PPARG: variants seen among roughly 807,000 people sequenced by gnomAD.
PPARG encodes the protein peroxisome proliferator activated receptor gamma.
In PPARG, 17 loss-of-function variants were observed where a neutral mutation model predicts 39.2. The ratio of observed to expected loss-of-function variants is 0.43; its 90% confidence interval spans 0.30 to 0.65. The LOEUF (loss-of-function observed/expected upper bound fraction) is 0.65, where lower values mean the gene tolerates loss of function less well. Ranked by LOEUF, PPARG falls within the 30% of genes least tolerant of loss-of-function variation. PPARG has a pLI of 0.13. For missense variants in PPARG, 406 were observed against 585.9 expected, an observed-to-expected ratio of 0.69 and a Z score of 3.17; for synonymous variants, 223 against 215.7, an observed-to-expected ratio of 1.03 and a Z score of -0.30.
At chr3:12,393,026 A>G (rs1176771103) in intron 5 of PPARG, among the ~76,000 whole-genome samples, 17 of 152,208 alleles carry the variant, frequency 1.1e-4, no homozygotes, top group Admixed American at 1.0e-3. Context: ...TAGAACAAAT[A>G]TAATGATCAT....
At chr3:12,414,924 G>A (rs1209398834) in intron 6 of PPARG, among the ~76,000 whole-genome samples, 1 of 152,176 alleles carries the variant, frequency 6.6e-6, no homozygotes, top group Non-Finnish European at 1.5e-5. Flanking sequence ...GGGTGTTGAT[G>A]TGACGTACAA....
intron 1 of PPARG, among the ~76,000 whole-genome samples, chr3:12,300,831 C>A (rs1239081627): frequency 6.6e-6 from 1 of 152,092 alleles, no homozygotes; most frequent in African/African-American, 2.4e-5. Context: ...TATAGTAGTT[C>A]TCATTCTCTT....
chr3:12,335,509 A>G (rs2047985877), intron 2 of PPARG, among the ~76,000 whole-genome samples: 1 of 152,218 alleles, frequency 6.6e-6, no homozygotes. Context: ...AAGCCTTGAA[A>G]TACACAAATT....
chr3:12,421,896 C>G (rs2051276460), intron 7 of PPARG, among the ~76,000 whole-genome samples: 1 of 152,150 alleles, frequency 6.6e-6, no homozygotes, highest in African/African-American at 2.4e-5. Context: ...GATGGCTATT[C>G]TTGGCATGAT....
At chr3:12,287,555 C>T (rs890005726), upstream of PPARG, 3 of 152,248 alleles carry the variant, frequency 2.0e-5, no homozygotes, top group African/African-American at 7.2e-5. Flanking sequence ...AGCCCCACAC[C>T]TCGGTCTCCC....
chr3:12,406,163 C>T (rs760049355), intron 6 of PPARG, 82 bp downstream of exon 6: 47 of 1,291,888 alleles, frequency 3.6e-5, no homozygotes, highest in Middle Eastern at 1.8e-4. Context: ...TGGTTTACTG[C>T]GCTACAAATG....
intron 1 of PPARG, among the ~76,000 whole-genome samples, chr3:12,312,076 C>G (rs778052188): frequency 6.6e-6 from 1 of 152,156 alleles, no homozygotes; most frequent in Non-Finnish European, 1.5e-5. Context: ...GGGCTTCATT[C>G]ATGTTAGTGA....
At chr3:12,357,794 C>A (rs578133230) in intron 2 of PPARG, among the ~76,000 whole-genome samples, 8 of 152,160 alleles carry the variant, frequency 5.3e-5, no homozygotes, top group Non-Finnish European at 1.0e-4. Flanking sequence ...ACAATTTAGC[C>A]CTGAGTTCAA....
chr3:12,389,798 G>T (rs1263501685), intron 4 of PPARG, among the ~76,000 whole-genome samples: 1 of 152,196 alleles, frequency 6.6e-6, no homozygotes, highest in African/African-American at 2.4e-5. Context: ...CCAGAAGGCT[G>T]AGGCCCAAGA....
intron 2 of PPARG, among the ~76,000 whole-genome samples, chr3:12,356,368 T>C (rs1357102803): frequency 2.6e-5 from 4 of 152,206 alleles, no homozygotes; most frequent in Admixed American, 6.5e-5. Flanking sequence ...ACGTGGCTAT[T>C]TGAGTACACA....
At chr3:12,398,765 T>C (rs2050358312) in intron 5 of PPARG, among the ~76,000 whole-genome samples, 1 of 152,158 alleles carries the variant, frequency 6.6e-6, no homozygotes, top group Admixed American at 6.5e-5. Flanking sequence ...AGAGCTCAAG[T>C]CTATTGAGAA....
chr3:12,316,832 A>G (rs1559491136), intron 2 of PPARG, among the ~76,000 whole-genome samples: 2 of 152,160 alleles, frequency 1.3e-5, no homozygotes, highest in Non-Finnish European at 1.5e-5. Flanking sequence ...GGTACACAGG[A>G]AACAGTAGAG....
chr3:12,289,022 T>A (rs2046580918), upstream of PPARG: 1 of 151,966 alleles, frequency 6.6e-6, no homozygotes, highest in Non-Finnish European at 1.5e-5. Context: ...AAACGGGGAG[T>A]AACCGAGCTG....
intron 1 of PPARG, among the ~76,000 whole-genome samples, chr3:12,301,096 A>G (rs1195794927): frequency 6.6e-6 from 1 of 152,220 alleles, no homozygotes; most frequent in Non-Finnish European, 1.5e-5. Flanking sequence ...CCATTTTGTT[A>G]TTCTAAAGCA....
intron 7 of PPARG, among the ~76,000 whole-genome samples, chr3:12,425,523 A>G (rs1271894260): frequency 6.6e-6 from 1 of 152,112 alleles, no homozygotes; most frequent in East Asian, 1.9e-4. Context: ...TGCCCAGAGC[A>G]TCGCAGGGTA....
chr3:12,397,637 C>T (rs2050316248), intron 5 of PPARG, among the ~76,000 whole-genome samples: 2 of 151,900 alleles, frequency 1.3e-5, no homozygotes, highest in Admixed American at 6.6e-5. Flanking sequence ...GTCGCGATCT[C>T]CTGACCTCAT....
chr3:12,307,097 CAAAAAA>C (rs11323214), intron 1 of PPARG, among the ~76,000 whole-genome samples: 1 of 83,902 alleles, frequency 1.2e-5, no homozygotes, highest in African/African-American at 4.6e-5. Context: ...GACTCCGTCT[CAAAAAA>C]AAAAAAAAAA....
rs554720456 is a variant in PPARG at position 12,358,722 on chromosome 3, A to G, written c.-8-20982A>G. On this transcript the variant is annotated intron_variant, in intron 2 of 7. Coordinates refer to ENST00000651735, the MANE Select transcript of PPARG (RefSeq NM_138711.6). ...CCAGATTTACACAGAAGTCTTTGCCATTTACAAAGAGTTCTGTTTGCCATT... is the reference window on the plus strand; with the variant it reads ...CCAGATTTACACAGAAGTCTTTGCCGTTTACAAAGAGTTCTGTTTGCCATT... Among the ~76,000 whole-genome samples the G allele has an allele frequency of 1.7e-4, 26 of 152,338 alleles. No homozygotes were observed. The East Asian group carries it at 3.9e-3, about 23-fold the overall frequency.
intron 3 of PPARG, among the ~76,000 whole-genome samples, chr3:12,380,589 A>G (rs758838035): frequency 1.3e-5 from 2 of 152,228 alleles, no homozygotes; most frequent in African/African-American, 4.8e-5. Context: ...AGCCACCACT[A>G]TGTAATTGGC....
Sources: allele counts gnomAD v4.1 joint callset (sites outside exome capture counted in the v4.1 genomes callset), GRCh38; gene constraint gnomAD v4.1.1; transcripts MANE v1.5; gene names NCBI Gene and HGNC (gene_info 2026-07-23, HGNC 2026-07-21).